Variants in TTF2 observed in about 807,000 individuals in gnomAD.
The protein encoded by TTF2 is RNA polymerase II termination factor.
In TTF2, 108 loss-of-function variants were observed where a neutral mutation model predicts 142.4. That is an observed-to-expected ratio of 0.76 (90% confidence interval 0.65 to 0.89). TTF2 has a LOEUF of 0.89. TTF2 is among the 40% of genes least tolerant of loss of function. TTF2 has a pLI of 0.00. For missense variants in TTF2, 1,327 were observed against 1,379.8 expected (o/e 0.96, Z 0.61); for synonymous variants, 483 against 506.2 (o/e 0.95, Z 0.61).
At chr1:117,091,454 G>A in intron 16 of TTF2, 44 bp downstream of exon 16, 46 of 1,558,690 alleles carry the variant, frequency 3.0e-5, no homozygotes, top group Non-Finnish European at 4.0e-5. Context: ...TGGTGAAAAT[G>A]GGGATTTGGA....
Position 117,091,348 on chromosome 1 carries a change from T to C in TTF2, c.2609T>C (p.Leu870Pro). The change falls in exon 16 of 23, where the codon CTA (leucine) becomes CCA (proline). Residue 870 changes from leucine to proline, a missense_variant. Leu to Pro is a moderately conservative substitution (Grantham distance 98, BLOSUM62 -3). Transcript: ENST00000369466. ...ARSRSALQSYLKRHESRGNQS... is the reference protein window; with the variant it reads ...ARSRSALQSYPKRHESRGNQS... ...GGCAGGTCAGCTCTGCAATCCTATC[T>C]AAAAAGACATGAAAGTAGAGGCAAC... The C allele has an allele frequency of 6.2e-7, 1 of 1,613,118 alleles. No individual in the cohort carries two copies. Among genetic ancestry groups the C allele is most frequent in the South Asian group, 1.1e-5 (1 of 90,936 alleles).
Position 117,070,230 on chromosome 1 carries a change from A to G in TTF2, c.219-3431A>G, listed in dbSNP as rs1227703130. ...GAGTTTTAAAGTAGACACTACAGTC[A>G]TGAGTCATTTAACAATGGGGGCATA... On this transcript the variant is annotated intron_variant, in intron 3 of 22. Transcript: ENST00000369466. The surrounding 1 kb of genome is among the most constrained non-coding windows in gnomAD (Gnocchi z 4.2). Among the ~76,000 whole-genome samples the G allele has an allele frequency of 2.0e-5, 3 of 152,252 alleles. No individual in the cohort carries two copies. Among genetic ancestry groups the G allele is most frequent in the African/African-American group, 7.2e-5 (3 of 41,476 alleles).
rs754822746 is a variant in TTF2, at chr1:117,060,555, C to T, written c.129C>T (p.Thr43=). The part of the protein sequence containing the change: ...RADTCSFVRA[T]DIPVSHCLLH... ...ACACGTGCAGCTTCGTGCGGGCCAC[C>T]GAGTAGGTCTGGAGCTGGGCCCCAC... Residue 43 remains threonine (T), a splice_region_variant and synonymous_variant, in exon 2 of 23, where the codon ACC becomes ACT. Coordinates refer to ENST00000369466, the MANE Select transcript of TTF2 (RefSeq NM_003594.4). 2 of 1,609,058 alleles carry T rather than the reference C, an allele frequency of 1.2e-6. No homozygotes were observed. The highest frequency in any genetic ancestry group is 1.3e-5 in the African/African-American group (1 of 74,970).
chr1:117,082,772 T>C (rs2997330), intron 10 of TTF2, among the ~76,000 whole-genome samples: 75,596 of 152,026 alleles, frequency 0.5, 21,070 homozygotes, highest in East Asian at 0.74. Context: ...GGAGAATCAC[T>C]TGAGCCTGGG....
At position 117,088,878 on chromosome 1, in the gene TTF2, A is replaced by C; in HGVS notation, c.2238A>C (p.Arg746=). ...AAGCTCACAATGTTAAGAATCCCCG[A>C]GTGCAGACTTCCATAGCTGTGTGTA... ...LDEAHNVKNP[R]VQTSIAVCKL... The change falls in exon 13 of 23, where the codon CGA becomes CGC. Residue 746 remains arginine, a synonymous_variant. Coordinates refer to ENST00000369466, the MANE Select transcript of TTF2 (RefSeq NM_003594.4). 6.2e-7 allele frequency: 1 copy of C among 1,614,216 alleles called. No homozygotes were observed. The highest frequency in any genetic ancestry group is 8.5e-7 in the Non-Finnish European group (1 of 1,180,038).
Position 117,102,316 on chromosome 1 carries a change from C to T in TTF2, c.*792C>T, listed in dbSNP as rs1036091896. 4.3e-5 allele frequency: 3 copies of T among 69,144 alleles called. No individual in the cohort carries two copies. Among genetic ancestry groups the T allele is most frequent in the Non-Finnish European group, 1.1e-4 (3 of 27,886 alleles). The allele number at this position is 69,144 out of a possible 1,614,324, so 4.3% of individuals were successfully genotyped here. A position where few individuals can be genotyped will look rare whatever the true frequency, so the allele number is the denominator to read the frequency against. ...TTTATGGGTGGAGCAGAGAGTCAATCCCTGCAGCCACCCTGCAGCCAGCCA... is the reference window on the plus strand; with the variant it reads ...TTTATGGGTGGAGCAGAGAGTCAATTCCTGCAGCCACCCTGCAGCCAGCCA... On this transcript the variant is annotated 3_prime_UTR_variant, in exon 23 of 23. Transcript: ENST00000369466.
chr1:117,071,222 C>T (rs930993036), intron 3 of TTF2, among the ~76,000 whole-genome samples: 1 of 151,758 alleles, frequency 6.6e-6, no homozygotes, highest in African/African-American at 2.4e-5. Flanking sequence ...TGTGCCACTG[C>T]TTTTAATAGT....
At position 117,075,458 on chromosome 1, in the gene TTF2, G is replaced by A. The variant is rs770381930; in HGVS notation, c.874G>A (p.Glu292Lys). The A allele has an allele frequency of 1.2e-6, 2 of 1,614,138 alleles. No individual in the cohort carries two copies. Among genetic ancestry groups the A allele is most frequent in the Admixed American group, 1.7e-5 (1 of 60,022 alleles). ...GGAGTACACGAACTGGGAGGCTAAA[G>A]AAACAAAGGCAAAGGATGGCCCTAG... ...NKEYTNWEAK[E>K]TKAKDGPSIQ... The change falls in exon 5 of 23, where the codon GAA becomes AAA. Residue 292 changes from glutamate (E) to lysine (K), a missense_variant. Coordinates refer to ENST00000369466, the MANE Select transcript of TTF2 (RefSeq NM_003594.4). This position sits in a 1 kb window ranked among gnomAD's most constrained non-coding sequence, Gnocchi z 4.5.
intron 8 of TTF2, 56 bp downstream of exon 8, chr1:117,078,099 A>G (rs1489928043): frequency 1.9e-6 from 3 of 1,585,338 alleles, no homozygotes; most frequent in Non-Finnish European, 1.7e-6. Flanking sequence ...CAGCAGCCCC[A>G]TGAAACTGCT....
Position 117,102,014 on chromosome 1 carries a change from C to T in TTF2, c.*490C>T, listed in dbSNP as rs1401751634. On this transcript the variant is annotated 3_prime_UTR_variant, in exon 23 of 23. Transcript: ENST00000369466. ...AAAATGAGCTAGGCGTGGTAGTGCA[C>T]ACCTGTAGTCCTAGCTACTTGGGAG... The T allele has an allele frequency of 6.6e-6, 1 of 152,588 alleles. No homozygotes were observed. Among genetic ancestry groups the T allele is most frequent in the African/African-American group, 2.4e-5 (1 of 41,436 alleles). The allele number at this position is 152,588 out of a possible 1,614,324, so 9.5% of individuals were successfully genotyped here. A position where few individuals can be genotyped will look rare whatever the true frequency, so the allele number is the denominator to read the frequency against.
rs1373915366 is a variant in TTF2 at position 117,084,053 on chromosome 1, A to G, written c.1939A>G (p.Ile647Val). 2 of 1,614,192 alleles carry G rather than the reference A, an allele frequency of 1.2e-6. No individual in the cohort carries two copies. The highest frequency in any genetic ancestry group is 2.7e-5 in the African/African-American group (2 of 75,048). ...CTTTACTTCCCATGGAACACTAATC[A>G]TCTGTCCTGCCTCCCTGATCCATCA... ...CDFTSHGTLI[I>V]CPASLIHHWK... is the part of the protein sequence containing the mutation. The change falls in exon 11 of 23, where the codon ATC (isoleucine) becomes GTC (valine). Residue 647 changes from isoleucine to valine, a missense_variant. Physicochemically the swap from Ile to Val is conservative, Grantham distance 29. Transcript: ENST00000369466.
At chr1:117,089,277 T>TATATATATATATATATATATATATATGC in intron 13 of TTF2, among the ~76,000 whole-genome samples, 1 of 144,598 alleles carries the variant, frequency 6.9e-6, no homozygotes, top group South Asian at 2.3e-4. Flanking sequence ...TATATATATA[T>TATATATATATATATATATATATATATGC]GCAAAAATTA....
rs2101041939 is a variant in TTF2, at chr1:117,078,050, C to G, written c.1701+7C>G. 1.2e-6 allele frequency: 2 copies of G among 1,613,554 alleles called. No individual in the cohort carries two copies. Among genetic ancestry groups the G allele is most frequent in the East Asian group, 4.5e-5 (2 of 44,864 alleles). On this transcript the variant is annotated splice_region_variant and intron_variant, in intron 8 of 22. Coordinates refer to ENST00000369466, the MANE Select transcript of TTF2 (RefSeq NM_003594.4). ...AGATCCCGCCGGGCTGAAGGTGAGC[C>G]AGGGAAGACTCCTGGTGTAGTCCTC...
At chr1:117,060,695 T>C (rs1655602427) in intron 2 of TTF2, 138 bp downstream of exon 2, 3 of 756,154 alleles carry the variant, frequency 4.0e-6, no homozygotes, top group South Asian at 2.4e-5. Context: ...CTTTAAGCAA[T>C]TGGTGATCCC....
chr1:117,086,570 T>C lies in TTF2; in HGVS notation c.2160+48T>C. 1 of 1,394,886 alleles carries C rather than the reference T, an allele frequency of 7.2e-7. No homozygotes were observed. The highest frequency in any genetic ancestry group is 1.0e-6 in the Non-Finnish European group (1 of 986,892). 86.4% of individuals were successfully genotyped at this position (1,394,886 alleles called of 1,614,324 possible). ...GAAGTGGAGTTGGAGCCACAGATGG[T>C]TTAATGGGAGTCTTTCTCAGCCTCC... On this transcript the variant is annotated intron_variant, in intron 12 of 22. Transcript: ENST00000369466. The surrounding 1 kb of genome is among the most constrained non-coding windows in gnomAD (Gnocchi z 4.2).
In TTF2 at chr1:117,090,652, C is replaced by T. The variant is rs369322583; in HGVS notation, c.2588+29C>T. The T allele has an allele frequency of 3.5e-5, 55 of 1,564,434 alleles. No individual in the cohort carries two copies. Among genetic ancestry groups the T allele is most frequent in the Non-Finnish European group, 4.7e-5 (53 of 1,139,358 alleles). ...TGTGTATTAAAGAAGCACCTTCTCA[C>T]ACACATTGTTTTATTCCTGTCTTTT... On this transcript the variant is annotated intron_variant, in intron 15 of 22. Coordinates refer to ENST00000369466, the MANE Select transcript of TTF2 (RefSeq NM_003594.4). The surrounding 1 kb of genome is among the most constrained non-coding windows in gnomAD (Gnocchi z 4.8).
In TTF2 at chr1:117,104,469, GA is replaced by G. The variant is rs1379494852; in HGVS notation, c.*2946del. Reference sequence around the variant, plus strand: ...CTTTTAGTTTGGAGAGGGATGCAGGGATTGTAACTTAAAATCTTCAGATATT... The same window carrying G: ...CTTTTAGTTTGGAGAGGGATGCAGGGTTGTAACTTAAAATCTTCAGATATT... On this transcript the variant is annotated 3_prime_UTR_variant, in exon 23 of 23. Transcript: ENST00000369466. 2.0e-5 allele frequency: 3 copies of G among 152,188 alleles called. No individual in the cohort carries two copies. The highest frequency in any genetic ancestry group is 7.2e-5 in the African/African-American group (3 of 41,438). 9.4% of individuals were successfully genotyped at this position (152,188 alleles called of 1,614,324 possible).
chr1:117,088,462 C>T lies in TTF2; in HGVS notation c.2161-339C>T, dbSNP rs60031676. On this transcript the variant is annotated intron_variant, in intron 12 of 22. Transcript: ENST00000369466. ...TGAGGCAGGAGAATGGCGTGAAGCC[C>T]GGAGGCGGAGCTTGCAGTGAGCCGA... Among the ~76,000 whole-genome samples, 1,333 of 151,950 alleles carry T rather than the reference C, an allele frequency of 8.8e-3. 23 individuals carry two copies. Among genetic ancestry groups the T allele is most frequent in the African/African-American group, 0.03 (1,250 of 41,458 alleles).
chr1:117,076,115 T>G lies in TTF2; in HGVS notation c.1276-65T>G. 6.7e-7 allele frequency: 1 copy of G among 1,487,956 alleles called. No individual in the cohort carries two copies. The highest frequency in any genetic ancestry group is 9.2e-7 in the Non-Finnish European group (1 of 1,084,900). 92.2% of individuals were successfully genotyped at this position (1,487,956 alleles called of 1,614,324 possible). A position where few individuals can be genotyped will look rare whatever the true frequency, so the allele number is the denominator to read the frequency against. On this transcript the variant is annotated intron_variant, in intron 5 of 22. Transcript: ENST00000369466. This position sits in a 1 kb window ranked among gnomAD's most constrained non-coding sequence, Gnocchi z 4.6. Reference sequence around the variant, plus strand: ...AGAGTTTGGGTGTTTCAGGCTATTTTAATCTGAAACTATTCATCTAACAGT... The same window carrying G: ...AGAGTTTGGGTGTTTCAGGCTATTTGAATCTGAAACTATTCATCTAACAGT...
Sources: allele counts gnomAD v4.1 joint callset (sites outside exome capture counted in the v4.1 genomes callset), GRCh38; gene constraint gnomAD v4.1.1; non-coding constraint Gnocchi (gnomAD v3.1); transcripts MANE v1.5; gene names NCBI Gene and HGNC (gene_info 2026-07-23, HGNC 2026-07-21).